PDE4D: variants seen among roughly 807,000 people sequenced by gnomAD.
PDE4D encodes the protein 3',5'-cyclic-AMP phosphodiesterase 4D.
In PDE4D, 24 loss-of-function variants were observed where a neutral mutation model predicts 87.4. The ratio of observed to expected loss-of-function variants is 0.27; its 90% CI spans 0.20 to 0.39. The LOEUF is 0.39. Among genes scored for constraint, PDE4D ranks in the 10% least tolerant of loss-of-function variants. The pLI is 1.00. For missense variants in PDE4D, 714 were observed against 1,041.0 expected (o/e 0.69, Z 4.32); for synonymous variants, 384 against 383.2 (o/e 1.00, Z -0.02).
chr5:59,563,196 C>T (rs1820335495), intron 1 of PDE4D, among the ~76,000 whole-genome samples: 1 of 152,152 alleles, frequency 6.6e-6, no homozygotes, highest in Non-Finnish European at 1.5e-5. Context: ...ATGATCTCAG[C>T]AGGCCTGAGG....
chr5:60,316,289 C>CTGTTATTGG (rs1469739247), intron 1 of PDE4D, among the ~76,000 whole-genome samples: 1 of 152,058 alleles, frequency 6.6e-6, no homozygotes, highest in Non-Finnish European at 1.5e-5. Flanking sequence ...CTCTGTTTGT[C>CTGTTATTGG]TGTTATTGGT....
At chr5:60,409,072 G>A in intron 1 of PDE4D, among the ~76,000 whole-genome samples, 1 of 151,788 alleles carries the variant, frequency 6.6e-6, no homozygotes, top group Non-Finnish European at 1.5e-5. Context: ...GGAGTAGAAA[G>A]ACAAAAAAAT....
rs774304463 is a variant in PDE4D, at chr5:60,484,702, T to C, written c.-90+3240A>G. On this transcript the variant is annotated intron_variant, in intron 1 of 16. Transcript: ENST00000502484. ...CAAATGTAAGGTCCAAAAGCCTTCA[T>C]AACATTAGGATCAAACAGTGAAGAT... 7.0e-4 allele frequency among the ~76,000 whole-genome samples: 106 copies of C among 152,152 alleles called. 1 individual carries two copies. Among genetic ancestry groups the C allele is most frequent in the Non-Finnish European group, 2.8e-4 (19 of 68,012 alleles).
intron 1 of PDE4D, among the ~76,000 whole-genome samples, chr5:60,209,665 T>TA (rs1327993281): frequency 6.6e-6 from 1 of 151,746 alleles, no homozygotes; most frequent in East Asian, 1.9e-4. Flanking sequence ...TTATTACACT[T>TA]ACGCTGGCAG....
At chr5:59,244,352 T>G (rs1392075869) in intron 1 of PDE4D, among the ~76,000 whole-genome samples, 1 of 151,890 alleles carries the variant, frequency 6.6e-6, no homozygotes, top group Admixed American at 6.6e-5. Context: ...GAGCCAAGAT[T>G]GTGCCACTGC....
chr5:60,104,070 G>C (rs900441187), intron 2 of PDE4D, among the ~76,000 whole-genome samples: 4 of 152,316 alleles, frequency 2.6e-5, no homozygotes, highest in Middle Eastern at 3.4e-3. Flanking sequence ...TGCCTCACTT[G>C]GGAAGCGCAA....
At chr5:59,484,706 C>G (rs1447316085) in intron 1 of PDE4D, among the ~76,000 whole-genome samples, 1 of 152,136 alleles carries the variant, frequency 6.6e-6, no homozygotes, top group African/African-American at 2.4e-5. Context: ...ATTTCTGAGA[C>G]AAAGTAACAT....
At chr5:59,366,007 G>T (rs1260417370) in intron 1 of PDE4D, among the ~76,000 whole-genome samples, 3 of 152,114 alleles carry the variant, frequency 2.0e-5, no homozygotes, top group Non-Finnish European at 4.4e-5. Flanking sequence ...GTAGAATATG[G>T]TTCTTGCCAT....
intron 1 of PDE4D, among the ~76,000 whole-genome samples, chr5:59,342,672 C>T (rs1160719804): frequency 6.6e-6 from 1 of 152,024 alleles, no homozygotes; most frequent in Admixed American, 6.6e-5. Flanking sequence ...GGCAAGTAAA[C>T]CTTCAGTTTC....
At chr5:59,714,917 G>A (rs1754774348) in intron 1 of PDE4D, among the ~76,000 whole-genome samples, 1 of 152,212 alleles carries the variant, frequency 6.6e-6, no homozygotes, top group Non-Finnish European at 1.5e-5. Context: ...GTTGACCAAG[G>A]GTGCTCATTT....
chr5:59,104,889 C>G (rs1771336868), intron 5 of PDE4D, among the ~76,000 whole-genome samples: 1 of 152,196 alleles, frequency 6.6e-6, no homozygotes, highest in Non-Finnish European at 1.5e-5. Flanking sequence ...CATAAGGAAT[C>G]AGCCAACAGG....
intron 1 of PDE4D, among the ~76,000 whole-genome samples, chr5:60,403,519 C>T (rs1036231442): frequency 3.9e-5 from 6 of 152,190 alleles, no homozygotes; most frequent in Non-Finnish European, 8.8e-5. Context: ...AAAAGATGAC[C>T]TCTTCCCCTG....
chr5:59,340,931 C>G (rs1409345635), intron 1 of PDE4D, among the ~76,000 whole-genome samples: 1 of 152,052 alleles, frequency 6.6e-6, no homozygotes, highest in African/African-American at 2.4e-5. Flanking sequence ...CGTTAATTGG[C>G]TGATGGACAC....
At chr5:60,156,638 C>T (rs1782003115) in intron 2 of PDE4D, among the ~76,000 whole-genome samples, 1 of 152,040 alleles carries the variant, frequency 6.6e-6, no homozygotes, top group South Asian at 2.1e-4. Flanking sequence ...TTCTGGAACA[C>T]TTGAAAAATA....
intron 5 of PDE4D, among the ~76,000 whole-genome samples, chr5:59,172,300 AATAT>A (rs1229279483): frequency 1.5e-5 from 2 of 132,082 alleles, no homozygotes; most frequent in African/African-American, 5.7e-5. Context: ...TTATATAAGA[AATAT>A]ATATAATTTT....
chr5:59,790,702 C>G (rs184895603), intron 1 of PDE4D, among the ~76,000 whole-genome samples: 1 of 152,266 alleles, frequency 6.6e-6, no homozygotes, highest in East Asian at 1.9e-4. Flanking sequence ...TCTGCTTCCT[C>G]CTCTTCAATG....
chr5:59,469,934 T>A (rs1802193813), intron 1 of PDE4D, among the ~76,000 whole-genome samples: 1 of 152,044 alleles, frequency 6.6e-6, no homozygotes, highest in Non-Finnish European at 1.5e-5. Flanking sequence ...CAAAAAGGCA[T>A]TGTGCTTCTT....
intron 1 of PDE4D, among the ~76,000 whole-genome samples, chr5:60,499,910 C>G (rs1383199495): frequency 6.6e-6 from 1 of 152,186 alleles, no homozygotes; most frequent in South Asian, 2.1e-4. Flanking sequence ...TGCTGATTCT[C>G]AAGGTTGGAC....
At chr5:59,032,303 A>G (rs1326208664) in intron 6 of PDE4D, among the ~76,000 whole-genome samples, 1 of 152,220 alleles carries the variant, frequency 6.6e-6, no homozygotes, top group East Asian at 1.9e-4. Flanking sequence ...AATAGCAGAT[A>G]TGAATGTACA....
Sources: allele counts gnomAD v4.1 joint callset (sites outside exome capture counted in the v4.1 genomes callset), GRCh38; gene constraint gnomAD v4.1.1; transcripts MANE v1.5; gene names NCBI Gene and HGNC (gene_info 2026-07-23, HGNC 2026-07-21).